UNC13C: variants seen among roughly 807,000 people sequenced by gnomAD.
The protein encoded by UNC13C is unc-13 homolog C, also known as protein unc-13 homolog C.
UNC13C carries 174 observed loss-of-function variants against 245.4 expected under a neutral mutation model. The ratio of observed to expected loss-of-function variants is 0.71; its 90% CI spans 0.63 to 0.80. UNC13C has a LOEUF of 0.80. Ranked by LOEUF, UNC13C falls within the 30% of genes least tolerant of loss-of-function variation. The probability of loss-of-function intolerance (pLI) is 0.00; values close to 1 mark genes in which losing one functional copy is unlikely to be tolerated. For synonymous variants in UNC13C, 992 were observed against 895.1 expected, an observed-to-expected ratio of 1.11 and a Z score of -1.93; for missense variants, 2,829 against 2,602.9, an observed-to-expected ratio of 1.09 and a Z score of -1.89.
At chr15:54,258,059 A>C (rs2036324570) in intron 8 of UNC13C, among the ~76,000 whole-genome samples, 1 of 152,174 alleles carries the variant, frequency 6.6e-6, no homozygotes, top group African/African-American at 2.4e-5. Context: ...AAAGGAATAC[A>C]AAAATCCCTC....
At chr15:54,201,510 ATACT>A (rs2034521772) in intron 4 of UNC13C, among the ~76,000 whole-genome samples, 3 of 152,066 alleles carry the variant, frequency 2.0e-5, no homozygotes, top group Admixed American at 6.6e-5. Flanking sequence ...ATGGTTTAAC[ATACT>A]TAAGTCAATA....
chr15:54,015,976 G>T lies in UNC13C; in HGVS notation c.2983+90G>T, dbSNP rs184615570. 32 of 1,160,872 alleles carry T rather than the reference G, an allele frequency of 2.8e-5. No individual in the cohort carries two copies. In the East Asian group the frequency reaches 8.3e-4, roughly 30 times the overall value. The allele number at this position is 1,160,872 out of a possible 1,614,324, so 71.9% of individuals were successfully genotyped here. On this transcript the variant is annotated intron_variant, in intron 2 of 32. Transcript: ENST00000260323. ...GAGCATGCTCTGTGTTTACTTGGGT[G>T]AAAGAGTTTACTTGCAATGACTTTC...
At chr15:54,203,401 A>G (rs1028325072) in intron 4 of UNC13C, among the ~76,000 whole-genome samples, 1 of 151,084 alleles carries the variant, frequency 6.6e-6, no homozygotes, top group African/African-American at 2.4e-5. Context: ...ACAATTTGCA[A>G]TTGCAAAAAT....
At chr15:54,135,960 A>C (rs2031707770) in intron 2 of UNC13C, among the ~76,000 whole-genome samples, 1 of 152,138 alleles carries the variant, frequency 6.6e-6, no homozygotes, top group Admixed American at 6.5e-5. Context: ...TAAGGATATC[A>C]GTTTTTCCAG....
intron 30 of UNC13C, among the ~76,000 whole-genome samples, chr15:54,602,198 T>G (rs932449439): frequency 1.3e-5 from 2 of 152,226 alleles, no homozygotes; most frequent in Admixed American, 1.3e-4. Context: ...CATGGAGTTG[T>G]GCAGCCTGGA....
intron 13 of UNC13C, among the ~76,000 whole-genome samples, chr15:54,317,359 C>A (rs573155597): frequency 6.6e-6 from 1 of 151,820 alleles, no homozygotes. Flanking sequence ...CACATATAAC[C>A]TATGAATTAT....
At chr15:54,349,159 A>G (rs1433128913) in intron 17 of UNC13C, among the ~76,000 whole-genome samples, 2 of 149,498 alleles carry the variant, frequency 1.3e-5, no homozygotes, top group East Asian at 3.9e-4. Context: ...TAAAATGTAT[A>G]GAATAAATGT....
At chr15:54,632,316 A>G (rs1434766360), downstream of UNC13C, 1 of 152,212 alleles carries the variant, frequency 6.6e-6, no homozygotes, top group African/African-American at 2.4e-5. Context: ...TTAAGAGAAC[A>G]AAAGGTTTTC....
At chr15:54,374,914 AG>A (rs1352376355) in intron 17 of UNC13C, among the ~76,000 whole-genome samples, 33 of 152,394 alleles carry the variant, frequency 2.2e-4, no homozygotes, top group African/African-American at 7.9e-4. Flanking sequence ...TATCCATGAT[AG>A]AGCTGATCAT....
chr15:54,572,504 C>T (rs182981603), intron 30 of UNC13C, among the ~76,000 whole-genome samples: 4 of 149,368 alleles, frequency 2.7e-5, no homozygotes, highest in African/African-American at 7.4e-5. Context: ...CGGCTCACTG[C>T]GGCCTCTGCC....
rs750953485 is a variant in UNC13C at position 54,627,447 on chromosome 15, G to T, written c.*334G>T. 4.3e-5 allele frequency: 8 copies of T among 184,186 alleles called. No homozygotes were observed. Among genetic ancestry groups the T allele is most frequent in the Non-Finnish European group, 9.1e-5 (8 of 87,676 alleles). The allele number at this position is 184,186 out of a possible 1,614,324, so 11.4% of individuals were successfully genotyped here. A position where few individuals can be genotyped will look rare whatever the true frequency, so the allele number is the denominator to read the frequency against. On this transcript the variant is annotated 3_prime_UTR_variant, in exon 33 of 33. Transcript: ENST00000260323. Reference sequence around the variant, plus strand: ...TGCCCATCAGTTGTCTTTGTTAAATGAGATTATATTGCCCATAGATCAGAA... The same window carrying T: ...TGCCCATCAGTTGTCTTTGTTAAATTAGATTATATTGCCCATAGATCAGAA...
At chr15:54,218,148 C>T (rs1848418550) in intron 4 of UNC13C, among the ~76,000 whole-genome samples, 3 of 152,038 alleles carry the variant, frequency 2.0e-5, no homozygotes, top group East Asian at 1.9e-4. Context: ...AACAATTGTT[C>T]TCAGACATTT....
intron 2 of UNC13C, among the ~76,000 whole-genome samples, chr15:54,142,038 AT>A (rs1453201844): frequency 4.6e-5 from 7 of 152,188 alleles, no homozygotes; most frequent in Non-Finnish European, 8.8e-5. Flanking sequence ...CAGCTCTAGC[AT>A]TTTGCCAACT....
intron 17 of UNC13C, among the ~76,000 whole-genome samples, chr15:54,362,062 A>C (rs954156634): frequency 6.6e-6 from 1 of 152,230 alleles, no homozygotes; most frequent in Non-Finnish European, 1.5e-5. Flanking sequence ...TACCTACTGT[A>C]GCTCTATGGC....
chr15:53,866,740 T>C, the UNC13C span, among the ~76,000 whole-genome samples: 1 of 152,344 alleles, frequency 6.6e-6, no homozygotes, highest in Non-Finnish European at 1.5e-5. Context: ...ATTTACTCAT[T>C]CATACAAATT....
chr15:53,846,584 G>C, the UNC13C span, among the ~76,000 whole-genome samples: 42,151 of 151,988 alleles, frequency 0.28, 7,145 homozygotes, highest in Non-Finnish European at 0.37. Context: ...ATAAATTTTT[G>C]TAGGCTACTC....
intron 19 of UNC13C, among the ~76,000 whole-genome samples, chr15:54,421,809 A>G (rs1022075616): frequency 6.6e-6 from 1 of 152,042 alleles, no homozygotes; most frequent in African/African-American, 2.4e-5. Context: ...ACAAATATTC[A>G]TTTAATTTTT....
At chr15:54,118,619 A>G (rs1291606425) in intron 2 of UNC13C, among the ~76,000 whole-genome samples, 1 of 152,068 alleles carries the variant, frequency 6.6e-6, no homozygotes, top group East Asian at 1.9e-4. Context: ...ATTACCTTCC[A>G]GTTTGAATGT....
At chr15:53,964,648 A>C in the UNC13C span, among the ~76,000 whole-genome samples, 5 of 152,192 alleles carry the variant, frequency 3.3e-5, no homozygotes, top group Admixed American at 3.3e-4. Context: ...ATCTAAATAA[A>C]ACAGGCCTTA....
Sources: allele counts gnomAD v4.1 joint callset (sites outside exome capture counted in the v4.1 genomes callset), GRCh38; gene constraint gnomAD v4.1.1; transcripts MANE v1.5; gene names NCBI Gene and HGNC (gene_info 2026-07-23, HGNC 2026-07-21).